The following MGAT4C variants were observed in gnomAD, a reference collection of about 807,000 sequenced individuals.
The protein encoded by MGAT4C is MGAT4 family member C, also known as alpha-1,3-mannosyl-glycoprotein 4-beta-N-acetylglucosaminyltransferase C.
A neutral mutation model predicts 40.1 loss-of-function variants in MGAT4C; 19 were observed. The ratio of observed to expected loss-of-function variants is 0.47; its 90% CI spans 0.33 to 0.70. MGAT4C has a LOEUF of 0.70. Among genes scored for constraint, MGAT4C ranks in the 30% least tolerant of loss-of-function variants. The pLI is 0.02. For synonymous variants in MGAT4C, 181 were observed against 187.1 expected (o/e 0.97, Z 0.27); for missense variants, 491 against 563.2 (o/e 0.87, Z 1.30).
intron 1 of MGAT4C, among the ~76,000 whole-genome samples, chr12:86,227,783 A>G (rs1951153976): frequency 6.6e-6 from 1 of 151,954 alleles, no homozygotes; most frequent in Non-Finnish European, 1.5e-5. Context: ...ATGTAGAAAC[A>G]TCATTTTGTG....
intron 2 of MGAT4C, among the ~76,000 whole-genome samples, chr12:86,634,245 T>C (rs944245140): frequency 1.3e-5 from 2 of 152,150 alleles, no homozygotes; most frequent in African/African-American, 4.8e-5. Flanking sequence ...TGCCTTTTAA[T>C]CTGCCAGGTG....
chr12:86,171,836 GAT>G (rs1886886707), intron 1 of MGAT4C, among the ~76,000 whole-genome samples: 2 of 152,112 alleles, frequency 1.3e-5, no homozygotes, highest in Admixed American at 1.3e-4. Context: ...CACATTTCCA[GAT>G]AGTCTCACCC....
intron 1 of MGAT4C, among the ~76,000 whole-genome samples, chr12:86,207,780 C>G (rs565244376): frequency 3.5e-4 from 53 of 152,176 alleles, no homozygotes; most frequent in African/African-American, 1.3e-3. Context: ...ATGCTAAGAA[C>G]TTTGATCCTT....
chr12:86,279,051 A>G (rs1953148301), intron 4 of MGAT4C, among the ~76,000 whole-genome samples: 1 of 152,058 alleles, frequency 6.6e-6, no homozygotes, highest in Non-Finnish European at 1.5e-5. Context: ...TTGGTTTGCT[A>G]GTATTCTGTT....
Position 86,603,140 on chromosome 12 carries a change from A to G in MGAT4C, c.-229+124069T>C, listed in dbSNP as rs1961846973. Among the ~76,000 whole-genome samples, 3 of 150,194 alleles carry G rather than the reference A, an allele frequency of 2.0e-5. No homozygotes were observed. In the Admixed American group the frequency reaches 2.0e-4, roughly 10 times the overall value. ...TTGGGAGATGTTAGCAAAAGCGTAC[A>G]AAGTTTTAATCGGGCAGGATGAATA... is the stretch of plus-strand genomic sequence containing the variant. On this transcript the variant is annotated intron_variant, in intron 2 of 7. Coordinates refer to the MGAT4C transcript ENST00000548651.
chr12:86,715,655 C>T (rs1950634067), intron 2 of MGAT4C, among the ~76,000 whole-genome samples: 1 of 152,128 alleles, frequency 6.6e-6, no homozygotes, highest in African/African-American at 2.4e-5. Flanking sequence ...AAGCATTATT[C>T]TTGTGCTCTT....
Position 86,603,750 on chromosome 12 carries a change from A to C in MGAT4C, c.-229+123459T>G, listed in dbSNP as rs1435560100. Among the ~76,000 whole-genome samples the C allele has an allele frequency of 4.2e-4, 55 of 129,546 alleles. No individual in the cohort carries two copies. The East Asian group carries it at 0.011, about 26-fold the overall frequency. The allele number at this position is 129,546 out of a possible 152,430, so 85.0% of individuals were successfully genotyped here. Reference sequence around the variant, plus strand: ...TATATAATTATATATACTATATATTATATATAATATATAGTATAATTATAT... The same window carrying C: ...TATATAATTATATATACTATATATTCTATATAATATATAGTATAATTATAT... On this transcript the variant is annotated intron_variant, in intron 2 of 7. Coordinates refer to the MGAT4C transcript ENST00000548651.
At chr12:86,562,561 C>T (rs1959918366) in intron 2 of MGAT4C, among the ~76,000 whole-genome samples, 1 of 152,034 alleles carries the variant, frequency 6.6e-6, no homozygotes, top group African/African-American at 2.4e-5. Context: ...TTGTCTGGGG[C>T]AAATGACCTC....
At chr12:86,589,218 G>T (rs1351058761) in intron 2 of MGAT4C, among the ~76,000 whole-genome samples, 4 of 151,934 alleles carry the variant, frequency 2.6e-5, no homozygotes, top group African/African-American at 7.3e-5. Flanking sequence ...TGATAAAGGG[G>T]ATATCACCAC....
At chr12:86,785,047 C>A (rs1030567914) in intron 1 of MGAT4C, among the ~76,000 whole-genome samples, 1 of 151,910 alleles carries the variant, frequency 6.6e-6, no homozygotes, top group African/African-American at 2.4e-5. Context: ...TAAAAAAATT[C>A]TTCTTTGTAT....
At chr12:86,816,223 A>G (rs1952604268) in intron 1 of MGAT4C, among the ~76,000 whole-genome samples, 1 of 151,828 alleles carries the variant, frequency 6.6e-6, no homozygotes. Context: ...CATATCTCCT[A>G]TATTTGTAGG....
chr12:86,538,808 C>T (rs932052009), intron 2 of MGAT4C, among the ~76,000 whole-genome samples: 7 of 151,876 alleles, frequency 4.6e-5, no homozygotes, highest in African/African-American at 7.2e-5. Context: ...GGGGTTTCAC[C>T]GTGTTAGCCA....
At chr12:86,568,475 A>G in intron 2 of MGAT4C, among the ~76,000 whole-genome samples, 1 of 151,400 alleles carries the variant, frequency 6.6e-6, no homozygotes, top group Non-Finnish European at 1.5e-5. Flanking sequence ...CTTGCTCCTC[A>G]GCTTGCAGAT....
intron 2 of MGAT4C, among the ~76,000 whole-genome samples, chr12:86,000,664 A>G (rs1887193412): frequency 1.3e-5 from 2 of 152,196 alleles, no homozygotes; most frequent in South Asian, 4.1e-4. Flanking sequence ...TATTTTCCAG[A>G]TCTAATAAAG....
chr12:86,146,748 T>G (rs1307549357), intron 1 of MGAT4C, among the ~76,000 whole-genome samples: 2 of 152,066 alleles, frequency 1.3e-5, no homozygotes, highest in Non-Finnish European at 1.5e-5. Flanking sequence ...AAATGTAAAG[T>G]TTACCATCAT....
chr12:86,576,572 G>C (rs561637418), intron 2 of MGAT4C, among the ~76,000 whole-genome samples: 21 of 151,796 alleles, frequency 1.4e-4, no homozygotes, highest in Non-Finnish European at 3.1e-4. Flanking sequence ...ATTTATTGAA[G>C]AGACTGTCAT....
At chr12:86,461,545 A>ACAT (rs1957602393) in intron 2 of MGAT4C, among the ~76,000 whole-genome samples, 1 of 152,078 alleles carries the variant, frequency 6.6e-6, no homozygotes, top group Non-Finnish European at 1.5e-5. Flanking sequence ...GCGCCCGGCC[A>ACAT]CATCTTCTTA....
intron 2 of MGAT4C, among the ~76,000 whole-genome samples, chr12:86,436,673 CAAA>C (rs1271984462): frequency 1.3e-5 from 2 of 151,640 alleles, no homozygotes; most frequent in African/African-American, 4.8e-5. Context: ...CAGCTACATC[CAAA>C]CAACGTTTTC....
intron 1 of MGAT4C, among the ~76,000 whole-genome samples, chr12:86,795,057 A>G (rs954129164): frequency 6.6e-6 from 1 of 152,040 alleles, no homozygotes. Flanking sequence ...AAACTAATTT[A>G]TTATAATAAT....
Sources: allele counts gnomAD v4.1 joint callset (sites outside exome capture counted in the v4.1 genomes callset), GRCh38; gene constraint gnomAD v4.1.1; transcripts MANE v1.5; gene names NCBI Gene and HGNC (gene_info 2026-07-23, HGNC 2026-07-21).